STRAP: variants seen among roughly 807,000 people sequenced by gnomAD.
STRAP encodes serine/threonine kinase receptor associated protein, also known as serine-threonine kinase receptor-associated protein.
A neutral mutation model predicts 47.0 loss-of-function variants in STRAP; 16 were observed. The observed-to-expected ratio is 0.34, with a 90% CI of 0.23 to 0.52. The LOEUF (loss-of-function observed/expected upper bound fraction) is 0.52. Ranked by LOEUF, STRAP falls within the 20% of genes least tolerant of loss-of-function variation. STRAP has a pLI of 0.96. For synonymous variants in STRAP, 130 were observed against 142.7 expected (o/e 0.91, Z 0.63); for missense variants, 293 against 420.0 (o/e 0.70, Z 2.64).
intron 2 of STRAP, among the ~76,000 whole-genome samples, chr12:15,889,654 ACTTG>A (rs1437374029): frequency 6.6e-6 from 1 of 152,166 alleles, no homozygotes; most frequent in Non-Finnish European, 1.5e-5. Context: ...CATGAATCTT[ACTTG>A]CTTAAATTGT....
chr12:15,899,150 C>T (rs139906806), intron 7 of STRAP, among the ~76,000 whole-genome samples: 27 of 152,266 alleles, frequency 1.8e-4, no homozygotes, highest in African/African-American at 6.0e-4. Flanking sequence ...ACCAGATCTG[C>T]CTAGCCTTTC....
At chr12:15,900,360 T>C (rs1023689284) in intron 8 of STRAP, among the ~76,000 whole-genome samples, 4 of 151,886 alleles carry the variant, frequency 2.6e-5, no homozygotes, top group Middle Eastern at 3.2e-3. Context: ...TGAAACCCCA[T>C]CTCTACTAAA....
At position 15,890,214 on chromosome 12, in the gene STRAP, G is replaced by A. The variant is rs959593448; in HGVS notation, c.330+205G>A. Among the ~76,000 whole-genome samples the A allele has an allele frequency of 2.0e-5, 3 of 152,134 alleles. No individual in the cohort carries two copies. The highest frequency in any genetic ancestry group is 7.2e-5 in the African/African-American group (3 of 41,420). Reference sequence around the variant, plus strand: ...TCCTGTCAAGCTTTTAAGATACTGTGGAACGAGTACCAGTCCTTCAACATG... The same window carrying A: ...TCCTGTCAAGCTTTTAAGATACTGTAGAACGAGTACCAGTCCTTCAACATG... On this transcript the variant is annotated intron_variant, in intron 3 of 9. Coordinates refer to ENST00000419869, the MANE Select transcript of STRAP (RefSeq NM_007178.4). The surrounding 1 kb of genome is among the most constrained non-coding windows in gnomAD (Gnocchi z 4.5).
intron 4 of STRAP, among the ~76,000 whole-genome samples, chr12:15,892,047 A>G (rs1948020325): frequency 1.3e-5 from 2 of 152,192 alleles, no homozygotes; most frequent in African/African-American, 4.8e-5. Flanking sequence ...AACATGTTCT[A>G]GTGAGCACTG....
In STRAP at chr12:15,889,921, C is replaced by A; in HGVS notation, c.249-7C>A. ...TATCCTACTAATTTTCTCTTTTTTA[C>A]TTTTAGCAAAGTGTGGGATGCTGTC... is the stretch of plus-strand genomic sequence containing the variant. On this transcript the variant is annotated splice_polypyrimidine_tract_variant and splice_region_variant and intron_variant, in intron 2 of 9. Transcript: ENST00000419869. 6.2e-7 allele frequency: 1 copy of A among 1,610,864 alleles called. No individual in the cohort carries two copies.
At chr12:15,893,802 A>T (rs192809928) in intron 4 of STRAP, among the ~76,000 whole-genome samples, 1 of 151,676 alleles carries the variant, frequency 6.6e-6, no homozygotes, top group South Asian at 2.1e-4. Flanking sequence ...TGAGTGGTGC[A>T]TTCACTCAGC....
At chr12:15,895,334 T>A in intron 5 of STRAP, 25 bp from the exon 6 acceptor site, 1 of 1,496,850 alleles carries the variant, frequency 6.7e-7, no homozygotes, top group African/African-American at 1.4e-5. Context: ...TGAGTAAACA[T>A]CATATTTTTA....
At position 15,883,681 on chromosome 12, in the gene STRAP, G is replaced by C; in HGVS notation, c.248+5G>C. Reference sequence around the variant, plus strand: ...AGCAGCTGCAGATTTCACAGCGTAAGTGTAGCCAAGATGGCTAACTTTGGT... The same window carrying C: ...AGCAGCTGCAGATTTCACAGCGTAACTGTAGCCAAGATGGCTAACTTTGGT... On this transcript the variant is annotated splice_donor_5th_base_variant and intron_variant, in intron 2 of 9. Transcript: ENST00000419869. 6.2e-7 allele frequency: 1 copy of C among 1,613,786 alleles called. No homozygotes were observed. The highest frequency in any genetic ancestry group is 1.7e-5 in the Admixed American group (1 of 59,928).
chr12:15,894,699 C>T lies in STRAP; in HGVS notation c.500+556C>T, dbSNP rs1347552279. ...CGACTTGATGCTTAAAGGAAATGCT[C>T]ATTGGAGCATTTTGAATTTCCTATT... is the stretch of plus-strand genomic sequence containing the variant. On this transcript the variant is annotated intron_variant, in intron 5 of 9. Transcript: ENST00000419869. This position sits in a 1 kb window ranked among gnomAD's most constrained non-coding sequence, Gnocchi z 4.9. 4.6e-5 allele frequency among the ~76,000 whole-genome samples: 7 copies of T among 152,110 alleles called. No individual in the cohort carries two copies. Among genetic ancestry groups the T allele is most frequent in the Admixed American group, 3.3e-4 (5 of 15,264 alleles).
chr12:15,903,158 A>G lies in STRAP; in HGVS notation c.*180A>G. Reference sequence around the variant, plus strand: ...TGGTGTTACCTGTAAGTGAAAACTCAAGTGTCAGATGAAGGGAGGTGGAGT... The same window carrying G: ...TGGTGTTACCTGTAAGTGAAAACTCGAGTGTCAGATGAAGGGAGGTGGAGT... On this transcript the variant is annotated 3_prime_UTR_variant, in exon 10 of 10. Coordinates refer to ENST00000419869, the MANE Select transcript of STRAP (RefSeq NM_007178.4). 1.8e-6 allele frequency: 1 copy of G among 546,654 alleles called. No individual in the cohort carries two copies. Among genetic ancestry groups the G allele is most frequent in the Non-Finnish European group, 2.9e-6 (1 of 343,410 alleles). 33.9% of individuals were successfully genotyped at this position (546,654 alleles called of 1,614,324 possible).
Position 15,896,353 on chromosome 12 carries a change from T to C in STRAP, c.638+857T>C. Among the ~76,000 whole-genome samples the C allele has an allele frequency of 6.6e-6, 1 of 152,252 alleles. No individual in the cohort carries two copies. Among genetic ancestry groups the C allele is most frequent in the East Asian group, 1.9e-4 (1 of 5,200 alleles). ...CTGAGTATTTGCAGACTTAATGAAT[T>C]TTTTAAACAGATTTGAATTTTGCGA... On this transcript the variant is annotated intron_variant, in intron 6 of 9. Coordinates refer to ENST00000419869, the MANE Select transcript of STRAP (RefSeq NM_007178.4). The surrounding 1 kb of genome is among the most constrained non-coding windows in gnomAD (Gnocchi z 4.1).
Position 15,900,143 on chromosome 12 carries a change from T to A in STRAP, c.925+90T>A, listed in dbSNP as rs188476524. 2.1e-5 allele frequency: 27 copies of A among 1,316,836 alleles called. 1 individual carries two copies. In the African/African-American group the frequency reaches 3.3e-4, roughly 16 times the overall value. 81.6% of individuals were successfully genotyped at this position (1,316,836 alleles called of 1,614,324 possible). A position where few individuals can be genotyped will look rare whatever the true frequency, so the allele number is the denominator to read the frequency against. On this transcript the variant is annotated intron_variant, in intron 8 of 9. Transcript: ENST00000419869. Reference sequence around the variant, plus strand: ...TTAATTTTATTTCAGGGTTCCTGTTTTCTATAAATTTTAAATTATATATTA... The same window carrying A: ...TTAATTTTATTTCAGGGTTCCTGTTATCTATAAATTTTAAATTATATATTA...
In STRAP at chr12:15,887,679, T is replaced by C. The variant is rs1259247522; in HGVS notation, c.249-2249T>C. On this transcript the variant is annotated intron_variant, in intron 2 of 9. Coordinates refer to ENST00000419869, the MANE Select transcript of STRAP (RefSeq NM_007178.4). This position sits in a 1 kb window ranked among gnomAD's most constrained non-coding sequence, Gnocchi z 5.5. Reference sequence around the variant, plus strand: ...TACTTTGGTCACTCCAACTCTCTTCTCACCTTTGAATAGACACAGTCTAAG... The same window carrying C: ...TACTTTGGTCACTCCAACTCTCTTCCCACCTTTGAATAGACACAGTCTAAG... Among the ~76,000 whole-genome samples, 3 of 152,232 alleles carry C rather than the reference T, an allele frequency of 2.0e-5. No homozygotes were observed. The highest frequency in any genetic ancestry group is 4.4e-5 in the Non-Finnish European group (3 of 68,050).
chr12:15,886,194 G>A (rs910638565), intron 2 of STRAP, among the ~76,000 whole-genome samples: 2 of 151,818 alleles, frequency 1.3e-5, no homozygotes, highest in African/African-American at 4.8e-5. Context: ...GATCATCATA[G>A]GATTTTTTTT....
rs1481583272 is a variant in STRAP at position 15,882,652 on chromosome 12, G to A, written c.-56G>A. 12 of 1,476,184 alleles carry A rather than the reference G, an allele frequency of 8.1e-6. No homozygotes were observed. The highest frequency in any genetic ancestry group is 1.1e-5 in the Non-Finnish European group (12 of 1,080,394). 91.4% of individuals were successfully genotyped at this position (1,476,184 alleles called of 1,614,324 possible). ...GCCCGAGGCACTGCAGCAGAAGAGAGAAAAGACAACGACGACCCTCAGCTC... is the reference window on the plus strand; with the variant it reads ...GCCCGAGGCACTGCAGCAGAAGAGAAAAAAGACAACGACGACCCTCAGCTC... On this transcript the variant is annotated 5_prime_UTR_variant, in exon 1 of 10. Transcript: ENST00000419869.
intron 9 of STRAP, among the ~76,000 whole-genome samples, chr12:15,902,341 G>A (rs1469793711): frequency 3.3e-5 from 5 of 152,172 alleles, no homozygotes; most frequent in South Asian, 2.1e-4. Flanking sequence ...AGAGTCTTTT[G>A]TTAGACTTGT....
At chr12:15,899,787 A>T in intron 7 of STRAP, 117 bp from the exon 8 acceptor site, 1 of 935,214 alleles carries the variant, frequency 1.1e-6, no homozygotes, top group Non-Finnish European at 1.6e-6. Flanking sequence ...TACAGGTTTT[A>T]ATGTTTGCCT....
intron 2 of STRAP, among the ~76,000 whole-genome samples, chr12:15,885,802 ACCT>A (rs1180420498): frequency 2.0e-5 from 3 of 151,974 alleles, no homozygotes; most frequent in African/African-American, 7.3e-5. Context: ...CTGTCATGGT[ACCT>A]AATTCATAGG....
Position 15,898,037 on chromosome 12 carries a change from G to A in STRAP, c.775+19G>A, listed in dbSNP as rs777792843. The A allele has an allele frequency of 2.0e-5, 32 of 1,591,876 alleles. No homozygotes were observed. In the South Asian group the frequency reaches 3.1e-4, roughly 15 times the overall value. On this transcript the variant is annotated intron_variant, in intron 7 of 9. Transcript: ENST00000419869. Reference sequence around the variant, plus strand: ...GAATTAGGTGAGTTGTCCCCTTACAGTGATGTGGTTACCTTTATCATATGT... The same window carrying A: ...GAATTAGGTGAGTTGTCCCCTTACAATGATGTGGTTACCTTTATCATATGT...
Sources: allele counts gnomAD v4.1 joint callset (sites outside exome capture counted in the v4.1 genomes callset), GRCh38; gene constraint gnomAD v4.1.1; non-coding constraint Gnocchi (gnomAD v3.1); transcripts MANE v1.5; gene names NCBI Gene and HGNC (gene_info 2026-07-23, HGNC 2026-07-21).